Variants in ANLN observed in about 807,000 individuals in gnomAD.
ANLN encodes anillin.
A neutral mutation model predicts 135.1 loss-of-function variants in ANLN; 59 were observed. That is an observed-to-expected ratio of 0.44 (90% confidence interval 0.35 to 0.54). The LOEUF (loss-of-function observed/expected upper bound fraction) is 0.54. ANLN is among the 20% of genes least tolerant of loss of function. ANLN has a pLI of 0.00. For synonymous variants in ANLN, 406 were observed against 456.4 expected (o/e 0.89, Z 1.41); for missense variants, 1,182 against 1,340.0 (o/e 0.88, Z 1.84).
Position 36,424,690 on chromosome 7 carries a change from A to G in ANLN, c.2657A>G (p.Gln886Arg). 1 of 1,612,480 alleles carries G rather than the reference A, an allele frequency of 6.2e-7. No homozygotes were observed. The highest frequency in any genetic ancestry group is 8.5e-7 in the Non-Finnish European group (1 of 1,179,360). ...EINIEVYSLV[Q>R]KKDPSGLDKK... ...ATGCTTTGGGTTTGTGCGTAGGTGC[A>G]AAAGAAAGATCCCTCAGGCCTTGAT... The change falls in exon 17 of 24, where the codon CAA becomes CGA. Residue 886 changes from glutamine (Q) to arginine (R), a missense_variant. Coordinates refer to ENST00000265748, the MANE Select transcript of ANLN (RefSeq NM_018685.5).
intron 20 of ANLN, among the ~76,000 whole-genome samples, chr7:36,429,905 C>T (rs775582335): frequency 6.6e-6 from 1 of 152,122 alleles, no homozygotes; most frequent in African/African-American, 2.4e-5. Flanking sequence ...AATAGCCAAC[C>T]ACATGATTGA....
chr7:36,431,597 GTATATATATATATATATATAATATA>G, intron 20 of ANLN, among the ~76,000 whole-genome samples: 1 of 27,446 alleles, frequency 3.6e-5, no homozygotes, highest in African/African-American at 8.3e-5. Flanking sequence ...GTGTGTGTGT[GTATATATATATATATATATAATATA>G]TATATATATA....
intron 12 of ANLN, among the ~76,000 whole-genome samples, chr7:36,421,132 A>G (rs1787858934): frequency 6.6e-6 from 1 of 151,946 alleles, no homozygotes; most frequent in African/African-American, 2.4e-5. Context: ...TAATGGCGCA[A>G]TCTTGGCTGA....
chr7:36,407,847 A>G lies in ANLN; in HGVS notation c.987A>G (p.Val329=), dbSNP rs765421242. 66 of 1,613,796 alleles carry G rather than the reference A, an allele frequency of 4.1e-5. No individual in the cohort carries two copies. Among genetic ancestry groups the G allele is most frequent in the Non-Finnish European group, 5.4e-5 (64 of 1,179,852 alleles). ...KTPISPLKTG[V]SKPIVKSTLS... ...CTATTAGTCCTCTGAAAACGGGGGT[A>G]TCGAAACCAATTGTGAAGTCAACTT... Residue 329 remains valine, a synonymous_variant, in exon 5 of 24, where the codon GTA becomes GTG. Transcript: ENST00000265748.
At chr7:36,452,098 G>A (rs1165427451) in intron 23 of ANLN, among the ~76,000 whole-genome samples, 2 of 152,148 alleles carry the variant, frequency 1.3e-5, no homozygotes, top group African/African-American at 2.4e-5. Flanking sequence ...GGTTATATTG[G>A]GAGTGCCCAT....
chr7:36,443,314 T>C lies in ANLN; in HGVS notation c.2971-441T>C, dbSNP rs564745227. On this transcript the variant is annotated intron_variant, in intron 21 of 23. Coordinates refer to ENST00000265748, the MANE Select transcript of ANLN (RefSeq NM_018685.5). ...TTTCTAATCCTGTTAGAAAACTTGA[T>C]CTCCTGAATAAAGATTAAATGCCAG... Among the ~76,000 whole-genome samples, 191 of 152,306 alleles carry C rather than the reference T, an allele frequency of 1.3e-3. 1 individual carries two copies. Among genetic ancestry groups the C allele is most frequent in the Non-Finnish European group, 2.0e-3 (134 of 68,030 alleles).
In ANLN at chr7:36,417,261, A is replaced by G. The variant is rs78667831; in HGVS notation, c.1633+71A>G. On this transcript the variant is annotated intron_variant, in intron 9 of 23. Coordinates refer to ENST00000265748, the MANE Select transcript of ANLN (RefSeq NM_018685.5). Reference sequence around the variant, plus strand: ...GGAAATAATATATTGATAGAAGCACATATTCAAATTGAGAGTATCTCTGCT... The same window carrying G: ...GGAAATAATATATTGATAGAAGCACGTATTCAAATTGAGAGTATCTCTGCT... The G allele has an allele frequency of 0.085, 70,835 of 833,652 alleles. 3,565 individuals carry two copies. Among genetic ancestry groups the G allele is most frequent in the Non-Finnish European group, 0.1 (55,235 of 531,470 alleles). The allele number at this position is 833,652 out of a possible 1,614,324, so 51.6% of individuals were successfully genotyped here. A position where few individuals can be genotyped will look rare whatever the true frequency, so the allele number is the denominator to read the frequency against.
intron 7 of ANLN, among the ~76,000 whole-genome samples, chr7:36,412,962 C>T (rs563880253): frequency 1.3e-5 from 2 of 149,126 alleles, no homozygotes; most frequent in South Asian, 4.3e-4. Context: ...CAAAGTGTCC[C>T]ACTTTTTTTC....
chr7:36,402,197 T>G, intron 3 of ANLN, among the ~76,000 whole-genome samples: 1 of 111,652 alleles, frequency 9.0e-6, no homozygotes, highest in Non-Finnish European at 1.9e-5. Flanking sequence ...CTGCAACTTC[T>G]GCCTTCCAGG....
Position 36,404,221 on chromosome 7 carries a change from C to T in ANLN, c.488-1960C>T, listed in dbSNP as rs149399458. 5.4e-3 allele frequency among the ~76,000 whole-genome samples: 818 copies of T among 150,966 alleles called. 12 individuals carry two copies. The highest frequency in any genetic ancestry group is 0.019 in the African/African-American group (770 of 41,130). On this transcript the variant is annotated intron_variant, in intron 3 of 23. Transcript: ENST00000265748. ...CTGACCTCAAATGATCTGCCTGCCT[C>T]GGCCTCCCAAAGTGCTGGGATTACA...
intron 20 of ANLN, among the ~76,000 whole-genome samples, chr7:36,429,803 T>C (rs2116713735): frequency 6.6e-6 from 1 of 152,316 alleles, no homozygotes; most frequent in South Asian, 2.1e-4. Flanking sequence ...TAAAAACTTT[T>C]TTTGGCTGCC....
At chr7:36,396,486 C>T (rs1450493993) in intron 2 of ANLN, 67 bp downstream of exon 2, 34 of 1,463,088 alleles carry the variant, frequency 2.3e-5, no homozygotes, top group Non-Finnish European at 3.1e-5. Context: ...AAGCCCCAAA[C>T]ATTTCATTAG....
intron 1 of ANLN, 47 bp from the exon 2 acceptor site, chr7:36,396,219 C>G (rs778849303): frequency 6.7e-7 from 1 of 1,491,940 alleles, no homozygotes; most frequent in South Asian, 1.3e-5. Context: ...ATTTTATGAA[C>G]CTTTGATTAA....
intron 4 of ANLN, 49 bp downstream of exon 4, chr7:36,406,615 T>G (rs766670366): frequency 3.4e-6 from 5 of 1,462,344 alleles, no homozygotes; most frequent in Non-Finnish European, 4.5e-6. Flanking sequence ...TTTTTCGTTA[T>G]GAGTGGTATA....
chr7:36,422,871 A>G, intron 14 of ANLN, 62 bp downstream of exon 14: 2 of 1,463,080 alleles, frequency 1.4e-6, no homozygotes, highest in Non-Finnish European at 1.8e-6. Context: ...ATTGAATTGT[A>G]CAGAATAGAA....
rs199806594 is a variant in ANLN at position 36,439,210 on chromosome 7, T to C, written c.2890T>C (p.Phe964Leu). ...TTACCTGTTTTCTTTGCAGGTCCCC[T>C]TTTTATCTTCTTTGGAAGGTCATAT... is the stretch of plus-strand genomic sequence containing the variant. ...NTKFVLDKVPFLSSLEGHIYL... is the reference protein window; with the variant it reads ...NTKFVLDKVPLLSSLEGHIYL... The change falls in exon 21 of 24, where the codon TTT becomes CTT. Residue 964 changes from phenylalanine (F) to leucine (L), a missense_variant. Physicochemically the swap from Phe to Leu is conservative, Grantham distance 22. Coordinates refer to ENST00000265748, the MANE Select transcript of ANLN (RefSeq NM_018685.5). 1,249 of 1,577,828 alleles carry C rather than the reference T, an allele frequency of 7.9e-4. 19 individuals carry two copies. In the South Asian group the frequency reaches 0.014, roughly 17 times the overall value.
chr7:36,430,149 A>C (rs905713698), intron 20 of ANLN, among the ~76,000 whole-genome samples: 1 of 152,168 alleles, frequency 6.6e-6, no homozygotes, highest in Non-Finnish European at 1.5e-5. Flanking sequence ...GGCCTTCTAC[A>C]CTCATGTAAT....
chr7:36,420,552 A>C (rs1486834694), intron 11 of ANLN, 45 bp from the exon 12 acceptor site: 1 of 1,509,186 alleles, frequency 6.6e-7, no homozygotes, highest in Non-Finnish European at 9.2e-7. Flanking sequence ...GATAGTGCTC[A>C]GTGTGTTGCT....
chr7:36,444,848 C>T (rs1035649161), intron 22 of ANLN, among the ~76,000 whole-genome samples: 3 of 151,990 alleles, frequency 2.0e-5, no homozygotes, highest in South Asian at 2.1e-4. Flanking sequence ...ATTCTAACAT[C>T]TTTCAGCATC....
Sources: gnomAD v4.1 joint callset for allele counts (sites outside exome capture counted in the v4.1 genomes callset) on GRCh38, gnomAD v4.1.1 for gene constraint, MANE v1.5 for transcripts, NCBI Gene and HGNC (gene_info 2026-07-23, HGNC 2026-07-21) for gene names.